PPCDC: variants seen among roughly 807,000 people sequenced by gnomAD.
PPCDC encodes the protein phosphopantothenoylcysteine decarboxylase.
A neutral mutation model predicts 20.7 loss-of-function variants in PPCDC; 20 were observed. That is an observed-to-expected ratio of 0.97 (90% CI 0.68 to 1.41). The LOEUF (loss-of-function observed/expected upper bound fraction) is 1.41, where lower values mean the gene tolerates loss of function less well. Ranked by LOEUF, PPCDC falls within the 40% of genes most tolerant of loss-of-function variation. PPCDC has a pLI of 0.00. For missense variants in PPCDC, 246 were observed against 263.8 expected (o/e 0.93, Z 0.47); for synonymous variants, 88 against 100.3 (o/e 0.88, Z 0.73).
At chr15:75,043,824 C>T in intron 3 of PPCDC, 1 of 394,102 alleles carries the variant, frequency 2.5e-6, no homozygotes, top group Non-Finnish European at 4.7e-6. Context: ...GCTCTGTTCC[C>T]ACCACCCTTG....
chr15:75,033,303 G>A (rs973534693), intron 2 of PPCDC, among the ~76,000 whole-genome samples: 2 of 152,080 alleles, frequency 1.3e-5, no homozygotes, highest in Admixed American at 1.3e-4. Context: ...AATATCATCT[G>A]GCCCTTTATA....
chr15:75,049,368 G>A lies in PPCDC; in HGVS notation c.*133G>A, dbSNP rs1037818213. 6 of 817,374 alleles carry A rather than the reference G, an allele frequency of 7.3e-6. No homozygotes were observed. Among genetic ancestry groups the A allele is most frequent in the Non-Finnish European group, 1.2e-5 (6 of 510,266 alleles). The allele number at this position is 817,374 out of a possible 1,614,324, so 50.6% of individuals were successfully genotyped here. ...GGGACCTGCTCTGAGCCTGCCCAGG[G>A]GCCAGGCCTGCTCCAGGTTAAACTG... On this transcript the variant is annotated 3_prime_UTR_variant, in exon 6 of 6. Transcript: ENST00000342932.
At chr15:75,037,660 T>C (rs944788285) in intron 2 of PPCDC, among the ~76,000 whole-genome samples, 6 of 152,182 alleles carry the variant, frequency 3.9e-5, no homozygotes, top group Admixed American at 3.3e-4. Context: ...GGCAGGAGAA[T>C]TCCTTGAACC....
Position 75,043,450 on chromosome 15 carries a change from G to A in PPCDC, c.145G>A (p.Ala49Thr), listed in dbSNP as rs756453746. 3.1e-6 allele frequency: 5 copies of A among 1,611,856 alleles called. No individual in the cohort carries two copies. The East Asian group carries it at 8.9e-5, about 29-fold the overall frequency. ...KLLDIPGLEV[A>T]VVTTERAKHF... ...TTCTTCTTGGTGACAGCTGGAAGTA[G>A]CAGTGGTCACAACTGAGAGAGCCAA... The change falls in exon 3 of 6, where the codon GCA (alanine) becomes ACA (threonine). Residue 49 changes from alanine (A) to threonine (T), a missense_variant. By Grantham distance (58) the Ala-to-Thr change is moderately conservative (BLOSUM62 0). Coordinates refer to ENST00000342932, the MANE Select transcript of PPCDC (RefSeq NM_021823.5).
intron 2 of PPCDC, among the ~76,000 whole-genome samples, chr15:75,035,963 CAAAAA>C (rs11306068): frequency 2.9e-5 from 3 of 105,114 alleles, no homozygotes; most frequent in African/African-American, 3.8e-5. Context: ...GACTGTGTCT[CAAAAA>C]AAAAAAAAAA....
Position 75,043,519 on chromosome 15 carries a change from G to T in PPCDC, c.214G>T (p.Asp72Tyr). The T allele has an allele frequency of 6.2e-7, 1 of 1,610,470 alleles. No homozygotes were observed. Among genetic ancestry groups the T allele is most frequent in the Non-Finnish European group, 8.5e-7 (1 of 1,178,288 alleles). Residue 72 changes from aspartate to tyrosine, a missense_variant, in exon 3 of 6, where the codon GAC (aspartate) becomes TAC (tyrosine). Coordinates refer to ENST00000342932, the MANE Select transcript of PPCDC (RefSeq NM_021823.5). ...GGACATTCCTGTCACCCTCTACAGCGACGCTGATGAATGGGAGGTCAGTGC... is the reference window on the plus strand; with the variant it reads ...GGACATTCCTGTCACCCTCTACAGCTACGCTGATGAATGGGAGGTCAGTGC... Reference protein sequence around the residue: ...PQDIPVTLYSDADEWEIWKSR... With the variant: ...PQDIPVTLYSYADEWEIWKSR...
At chr15:75,028,876 G>A (rs1448304033) in intron 2 of PPCDC, among the ~76,000 whole-genome samples, 1 of 152,092 alleles carries the variant, frequency 6.6e-6, no homozygotes, top group African/African-American at 2.4e-5. Flanking sequence ...CTCCTCGTGA[G>A]ACCTCATGGT....
intron 4 of PPCDC, 170 bp downstream of exon 4, chr15:75,044,684 C>A: frequency 2.3e-6 from 2 of 867,118 alleles, no homozygotes; most frequent in Non-Finnish European, 3.4e-6. Context: ...TTCTCTGTAG[C>A]ACATGGGCAC....
At chr15:75,036,472 G>C (rs2066086094) in intron 2 of PPCDC, among the ~76,000 whole-genome samples, 1 of 152,188 alleles carries the variant, frequency 6.6e-6, no homozygotes, top group African/African-American at 2.4e-5. Flanking sequence ...CAGTGGGTCA[G>C]AGGTGGGGCA....
chr15:75,028,777 A>T (rs1024228448), intron 2 of PPCDC, among the ~76,000 whole-genome samples: 8 of 152,128 alleles, frequency 5.3e-5, no homozygotes, highest in Non-Finnish European at 1.0e-4. Flanking sequence ...CTGGCTGGAG[A>T]AGTGCAGCAA....
intron 2 of PPCDC, among the ~76,000 whole-genome samples, chr15:75,039,677 C>A (rs190225741): frequency 5.3e-5 from 8 of 152,336 alleles, no homozygotes; most frequent in Non-Finnish European, 1.0e-4. Flanking sequence ...GTAGGATCTG[C>A]TCTGCTAGTG....
At chr15:75,046,369 C>A (rs540214321) in intron 4 of PPCDC, among the ~76,000 whole-genome samples, 30 of 152,282 alleles carry the variant, frequency 2.0e-4, no homozygotes, top group Admixed American at 1.3e-4. Context: ...TCCCTGCTGG[C>A]GGGTCAGCAG....
At chr15:75,032,570 G>A (rs2066033616) in intron 2 of PPCDC, among the ~76,000 whole-genome samples, 1 of 152,144 alleles carries the variant, frequency 6.6e-6, no homozygotes, top group Admixed American at 6.5e-5. Flanking sequence ...ATATCCAGCA[G>A]TAGAGAGCTG....
At chr15:75,024,880 C>G (rs1170021541) in intron 1 of PPCDC, among the ~76,000 whole-genome samples, 3 of 151,556 alleles carry the variant, frequency 2.0e-5, no homozygotes, top group East Asian at 3.9e-4. Context: ...AAACCTGATA[C>G]AGTGTAAATG....
At chr15:75,025,731 T>C (rs1386786989) in intron 1 of PPCDC, among the ~76,000 whole-genome samples, 1 of 152,212 alleles carries the variant, frequency 6.6e-6, no homozygotes, top group African/African-American at 2.4e-5. Flanking sequence ...GTACTACAGC[T>C]ACCTGTGCAA....
intron 4 of PPCDC, among the ~76,000 whole-genome samples, chr15:75,047,061 C>A (rs1234315416): frequency 6.6e-6 from 1 of 152,244 alleles, no homozygotes; most frequent in Non-Finnish European, 1.5e-5. Flanking sequence ...TCTTCTCCTC[C>A]TGCCTGCTTT....
At chr15:75,029,746 C>T (rs1280871880) in intron 2 of PPCDC, among the ~76,000 whole-genome samples, 1 of 152,218 alleles carries the variant, frequency 6.6e-6, no homozygotes, top group Non-Finnish European at 1.5e-5. Flanking sequence ...TTGGTAGGAG[C>T]TGCCCAGCTA....
At chr15:75,041,664 C>T (rs1043447369) in intron 2 of PPCDC, among the ~76,000 whole-genome samples, 1 of 152,086 alleles carries the variant, frequency 6.6e-6, no homozygotes, top group African/African-American at 2.4e-5. Context: ...CTGAAAAGGT[C>T]CTTGAGGTTT....
rs956438935 is a variant in PPCDC, at chr15:75,043,122, C to T, written c.136-319C>T. On this transcript the variant is annotated intron_variant, in intron 2 of 5. Transcript: ENST00000342932. ...CCTTGACTTCCTTTCCTGTCACTTG[C>T]GTGCCTCTGCCACTGGGCCTACCTC... 4.6e-5 allele frequency among the ~76,000 whole-genome samples: 7 copies of T among 152,374 alleles called. No homozygotes were observed. In the East Asian group the frequency reaches 7.7e-4, roughly 17 times the overall value.
Sources: gnomAD v4.1 joint callset for allele counts (sites outside exome capture counted in the v4.1 genomes callset) on GRCh38, gnomAD v4.1.1 for gene constraint, MANE v1.5 for transcripts, NCBI Gene and HGNC (gene_info 2026-07-23, HGNC 2026-07-21) for gene names.